PELI2: variants seen among roughly 807,000 people sequenced by gnomAD.
The protein encoded by PELI2 is pellino E3 ubiquitin protein ligase family member 2, also known as E3 ubiquitin-protein ligase pellino homolog 2.
A neutral mutation model predicts 42.3 loss-of-function variants in PELI2; 23 were observed. The ratio of observed to expected loss-of-function variants is 0.54; its 90% confidence interval spans 0.39 to 0.77. The LOEUF is 0.77. PELI2 is among the 30% of genes least tolerant of loss of function. The pLI, the probability that PELI2 is intolerant of heterozygous loss-of-function variation, is 0.00. For synonymous variants in PELI2, 245 were observed against 212.2 expected (o/e 1.15, Z -1.34); for missense variants, 463 against 553.2 (o/e 0.84, Z 1.64).
chr14:56,234,935 A>G lies in PELI2; in HGVS notation c.208-44741A>G, dbSNP rs377516113. Among the ~76,000 whole-genome samples the G allele has an allele frequency of 1.4e-4, 21 of 152,220 alleles. 1 individual carries two copies. The highest frequency in any genetic ancestry group is 8.5e-4 in the Admixed American group (13 of 15,290). On this transcript the variant is annotated intron_variant, in intron 2 of 5. Transcript: ENST00000267460. The stretch of plus-strand genomic sequence containing the variant: ...GGGGCTTAAATTGCCCAAACCTGGT[A>G]ACAGGGACTAGGAAGTTGGATCTTC...
rs140013898 is a variant in PELI2, at chr14:56,296,737, C to T, written c.834C>T (p.Asn278=). The change falls in exon 6 of 6, where the codon AAC becomes AAT. Residue 278 remains asparagine, a synonymous_variant. Coordinates refer to ENST00000267460, the MANE Select transcript of PELI2 (RefSeq NM_021255.3). ...KHIEALRQEI[N]AARPQCPVGL... ...TAGAAGCCCTCCGGCAGGAGATTAA[C>T]GCCGCCCGGCCTCAGTGTCCTGTGG... 9,973 of 1,614,108 alleles carry T rather than the reference C, an allele frequency of 6.2e-3. 51 individuals are homozygous for T. The highest frequency in any genetic ancestry group is 7.5e-3 in the Non-Finnish European group (8,792 of 1,180,004).
intron 1 of PELI2, among the ~76,000 whole-genome samples, chr14:56,125,727 G>A (rs1314372360): frequency 6.6e-6 from 1 of 152,124 alleles, no homozygotes; most frequent in Admixed American, 6.5e-5. Flanking sequence ...ACGTGGTTCT[G>A]CCCTCTGTGC....
At chr14:56,216,521 C>T (rs917799735) in intron 2 of PELI2, among the ~76,000 whole-genome samples, 1 of 152,230 alleles carries the variant, frequency 6.6e-6, no homozygotes, top group African/African-American at 2.4e-5. Context: ...CACAGACACT[C>T]CTAAAGGCAG....
intron 5 of PELI2, among the ~76,000 whole-genome samples, chr14:56,294,650 G>A (rs1742169094): frequency 6.6e-6 from 1 of 152,164 alleles, no homozygotes; most frequent in African/African-American, 2.4e-5. Context: ...GACCCTGCCT[G>A]GGCAGTGGCA....
chr14:56,212,404 T>C (rs1349448488), intron 2 of PELI2, among the ~76,000 whole-genome samples: 1 of 152,208 alleles, frequency 6.6e-6, no homozygotes, highest in East Asian at 1.9e-4. Context: ...TAGCCTCTGC[T>C]CCTTAAGAAG....
chr14:56,184,216 A>G (rs925535764), intron 2 of PELI2, among the ~76,000 whole-genome samples: 1 of 152,092 alleles, frequency 6.6e-6, no homozygotes, highest in Non-Finnish European at 1.5e-5. Context: ...TGATATACTA[A>G]CCAATGTGAA....
At chr14:56,270,157 T>C (rs1331946227) in intron 2 of PELI2, among the ~76,000 whole-genome samples, 1 of 152,134 alleles carries the variant, frequency 6.6e-6, no homozygotes, top group Non-Finnish European at 1.5e-5. Flanking sequence ...GGCTCAGGAG[T>C]GGCCCAGGGC....
chr14:56,148,311 A>C (rs767486633), intron 1 of PELI2, among the ~76,000 whole-genome samples: 29 of 152,208 alleles, frequency 1.9e-4, no homozygotes, highest in Non-Finnish European at 2.2e-4. Context: ...AGATCTAGTA[A>C]CAATGAAAAG....
At chr14:56,235,121 G>GTTTTT (rs1887742546) in intron 2 of PELI2, among the ~76,000 whole-genome samples, 2 of 152,070 alleles carry the variant, frequency 1.3e-5, no homozygotes, top group African/African-American at 2.4e-5. Flanking sequence ...TTAGCTTGGT[G>GTTTTT]CAAAGGTAAT....
intron 2 of PELI2, among the ~76,000 whole-genome samples, chr14:56,232,942 C>G (rs1009417143): frequency 6.6e-6 from 1 of 152,056 alleles, no homozygotes; most frequent in Non-Finnish European, 1.5e-5. Context: ...GCAAAAATCA[C>G]AAGCATTCCT....
chr14:56,169,075 A>G (rs139250308), intron 1 of PELI2, among the ~76,000 whole-genome samples: 2 of 151,826 alleles, frequency 1.3e-5, no homozygotes, highest in African/African-American at 2.4e-5. Context: ...TCCCCACTCT[A>G]CCGTCTCCTC....
intron 2 of PELI2, among the ~76,000 whole-genome samples, chr14:56,228,560 T>G (rs970336830): frequency 2.0e-5 from 3 of 152,250 alleles, no homozygotes; most frequent in Non-Finnish European, 4.4e-5. Flanking sequence ...ATTATAAACT[T>G]AACATTTTTT....
rs144433665 is a variant in PELI2, at chr14:56,187,155, G to A, written c.207+8691G>A. ...GAATGTTGGTCTGTTGCTGCAGATG[G>A]CAGGTAGAAAATATTCTGAAGGATA... is the stretch of plus-strand genomic sequence containing the variant. On this transcript the variant is annotated intron_variant, in intron 2 of 5. Transcript: ENST00000267460. Among the ~76,000 whole-genome samples, 125 of 152,282 alleles carry A rather than the reference G, an allele frequency of 8.2e-4. 1 individual carries two copies. The East Asian group carries it at 0.021, about 26-fold the overall frequency.
chr14:56,260,969 G>A (rs1216399387), intron 2 of PELI2, among the ~76,000 whole-genome samples: 1 of 152,136 alleles, frequency 6.6e-6, no homozygotes, highest in Non-Finnish European at 1.5e-5. Context: ...CACTGGAGGT[G>A]AGGTGAGGTA....
At chr14:56,165,798 G>A (rs920086193) in intron 1 of PELI2, among the ~76,000 whole-genome samples, 11 of 151,874 alleles carry the variant, frequency 7.2e-5, no homozygotes, top group African/African-American at 1.7e-4. Context: ...TTTTTTTCTC[G>A]AAATCAATTT....
rs369511889 is a variant in PELI2, at chr14:56,195,362, CA to C, written c.207+16902del. Among the ~76,000 whole-genome samples the C allele has an allele frequency of 9.1e-4, 139 of 152,254 alleles. 1 individual carries two copies. Among genetic ancestry groups the C allele is most frequent in the African/African-American group, 2.7e-3 (113 of 41,546 alleles). On this transcript the variant is annotated intron_variant, in intron 2 of 5. Coordinates refer to ENST00000267460, the MANE Select transcript of PELI2 (RefSeq NM_021255.3). ...TAGTAGGGACGTGGGCATGGAGAGA[CA>C]AAACACCGGAACTGCCAGGAGAGAG...
chr14:56,170,646 T>G (rs1248592028), intron 1 of PELI2, among the ~76,000 whole-genome samples: 3 of 152,234 alleles, frequency 2.0e-5, no homozygotes, highest in Admixed American at 6.5e-5. Context: ...TTCACAGGGT[T>G]TCTTGGCACA....
At chr14:56,195,237 G>A (rs1365268789) in intron 2 of PELI2, among the ~76,000 whole-genome samples, 1 of 152,192 alleles carries the variant, frequency 6.6e-6, no homozygotes, top group Non-Finnish European at 1.5e-5. Flanking sequence ...CCCTTCAAAA[G>A]CATGCTTCTG....
At position 56,290,418 on chromosome 14, in the gene PELI2, TTG is replaced by T; in HGVS notation, c.659_660del (p.Leu220SerfsTer16). On this transcript the variant is annotated frameshift_variant, in exon 5 of 6. Coordinates refer to ENST00000267460, the MANE Select transcript of PELI2 (RefSeq NM_021255.3). LOFTEE classifies it high-confidence loss of function. ...CTCTGTCTGTGGAGATGTGTACACC[TTG>T]CGAGAAACCAGGTCGGCCCAGCAAC... The part of the protein sequence containing the change: ...EISVCGDVYT[L>X]RETRSAQQRG... The T allele has an allele frequency of 6.2e-7, 1 of 1,609,052 alleles. No individual in the cohort carries two copies. The highest frequency in any genetic ancestry group is 8.5e-7 in the Non-Finnish European group (1 of 1,176,628).
Sources: gnomAD v4.1 joint callset for allele counts (sites outside exome capture counted in the v4.1 genomes callset) on GRCh38, gnomAD v4.1.1 for gene constraint, MANE v1.5 for transcripts, NCBI Gene and HGNC (gene_info 2026-07-23, HGNC 2026-07-21) for gene names.